Variants in ADD1 observed in about 807,000 individuals in gnomAD.
ADD1 encodes the protein alpha-adducin.
ADD1 carries 24 observed loss-of-function variants against 80.5 expected under a neutral mutation model. The observed-to-expected ratio is 0.30, with a 90% CI of 0.22 to 0.42. The LOEUF (loss-of-function observed/expected upper bound fraction) is 0.42. ADD1 is among the 10% of genes least tolerant of loss of function. ADD1 has a pLI of 1.00. For synonymous variants in ADD1, 373 were observed against 393.8 expected (o/e 0.95, Z 0.63); for missense variants, 948 against 1,019.0 (o/e 0.93, Z 0.95).
intron 1 of ADD1, among the ~76,000 whole-genome samples, chr4:2,866,247 C>T (rs1729530190): frequency 6.6e-6 from 1 of 152,022 alleles, no homozygotes; most frequent in African/African-American, 2.4e-5. Context: ...GCTTACTGCA[C>T]CCTTCGCCTT....
chr4:2,889,152 A>T (rs28668789), intron 4 of ADD1, among the ~76,000 whole-genome samples: 2,037 of 152,286 alleles, frequency 0.013, 44 homozygotes, highest in African/African-American at 0.046. Flanking sequence ...CTTTGGGCAA[A>T]GGAAGATGCA....
At chr4:2,906,745 G>T (rs748674310) in intron 10 of ADD1, among the ~76,000 whole-genome samples, 23 of 152,190 alleles carry the variant, frequency 1.5e-4, no homozygotes, top group Admixed American at 5.2e-4. Flanking sequence ...ATAAAACGCT[G>T]GAGTTGTTTT....
chr4:2,924,231 G>T (rs542441017), intron 14 of ADD1, among the ~76,000 whole-genome samples: 1 of 152,216 alleles, frequency 6.6e-6, no homozygotes, highest in African/African-American at 2.4e-5. Flanking sequence ...CACGGAGCAG[G>T]TGGTTTCAAA....
chr4:2,890,863 T>C (rs1008610154), intron 4 of ADD1, among the ~76,000 whole-genome samples: 31 of 152,324 alleles, frequency 2.0e-4, no homozygotes, highest in Non-Finnish European at 1.5e-5. Flanking sequence ...TGAAACTTAA[T>C]CTTTTCTAAT....
At chr4:2,924,573 T>C (rs1740649989) in intron 14 of ADD1, among the ~76,000 whole-genome samples, 1 of 152,242 alleles carries the variant, frequency 6.6e-6, no homozygotes. Flanking sequence ...TCCTGGGCCG[T>C]CGTCATCCTG....
At chr4:2,880,787 T>C (rs2108923373) in intron 2 of ADD1, among the ~76,000 whole-genome samples, 1 of 152,234 alleles carries the variant, frequency 6.6e-6, no homozygotes, top group Non-Finnish European at 1.5e-5. Context: ...TATTTATTTC[T>C]TTGCAGGGTA....
intron 1 of ADD1, among the ~76,000 whole-genome samples, chr4:2,870,588 G>A (rs1202979259): frequency 6.6e-6 from 1 of 152,230 alleles, no homozygotes; most frequent in Non-Finnish European, 1.5e-5. Flanking sequence ...ATGCAACAGA[G>A]TACTTTACAG....
chr4:2,882,293 A>T (rs1282463607), intron 3 of ADD1, among the ~76,000 whole-genome samples: 1 of 152,238 alleles, frequency 6.6e-6, no homozygotes, highest in Admixed American at 6.5e-5. Flanking sequence ...TCCGAGGCAG[A>T]TGACTTTTTA....
chr4:2,876,256 A>G (rs1731277134), intron 2 of ADD1, 146 bp downstream of exon 2: 2 of 665,876 alleles, frequency 3.0e-6, no homozygotes, highest in Non-Finnish European at 4.8e-6. Flanking sequence ...GGTTGTTGAA[A>G]GAATTCAGTT....
Position 2,904,979 on chromosome 4 carries a change from A to G in ADD1, c.1377A>G (p.Glu459=). Residue 459 remains glutamate (E), a synonymous_variant, in exon 10 of 16, where the codon GAA becomes GAG. Coordinates refer to ENST00000683351, the MANE Select transcript of ADD1 (RefSeq NM_001354761.2). The part of the protein sequence containing the change: ...NSGRGDEASE[E]GQNGSSPKSK... Reference sequence around the variant, plus strand: ...GCCGGGGCGACGAAGCTTCCGAGGAAGGGCAGAATGGAAGCAGTCCCAAGT... The same window carrying G: ...GCCGGGGCGACGAAGCTTCCGAGGAGGGGCAGAATGGAAGCAGTCCCAAGT... The G allele has an allele frequency of 1.9e-6, 3 of 1,614,214 alleles. No homozygotes were observed. The highest frequency in any genetic ancestry group is 2.5e-6 in the Non-Finnish European group (3 of 1,180,026).
At chr4:2,927,888 G>C (rs916444259) in intron 15 of ADD1, among the ~76,000 whole-genome samples, 1 of 152,150 alleles carries the variant, frequency 6.6e-6, no homozygotes, top group Non-Finnish European at 1.5e-5. Context: ...GCTGCAGTCT[G>C]TCTTTCCGGC....
rs1365273721 is a variant in ADD1 at position 2,930,002 on chromosome 4, G to A, written c.*1479G>A. ...TATGGACACCGACTTGGGAGGACAG[G>A]TCCTGAATGTCCTTTCTCCAGTGTA... On this transcript the variant is annotated 3_prime_UTR_variant, in exon 16 of 16. Transcript: ENST00000683351. The A allele has an allele frequency of 1.3e-5, 2 of 152,536 alleles. No homozygotes were observed. Among genetic ancestry groups the A allele is most frequent in the Admixed American group, 6.5e-5 (1 of 15,284 alleles). 9.4% of individuals were successfully genotyped at this position (152,536 alleles called of 1,614,324 possible).
intron 1 of ADD1, among the ~76,000 whole-genome samples, chr4:2,864,887 T>G (rs1729321501): frequency 6.6e-6 from 1 of 152,214 alleles, no homozygotes; most frequent in South Asian, 2.1e-4. Context: ...TGGACCCCAT[T>G]GTGCCTCACT....
At chr4:2,904,707 G>A in intron 9 of ADD1, 57 bp from the exon 10 acceptor site, 6 of 1,511,590 alleles carry the variant, frequency 4.0e-6, no homozygotes, top group Non-Finnish European at 5.5e-6. Flanking sequence ...TTTCCAAAGT[G>A]AAACCCTGTT....
intron 2 of ADD1, among the ~76,000 whole-genome samples, chr4:2,877,584 T>C (rs1206978356): frequency 3.3e-5 from 5 of 151,748 alleles, no homozygotes; most frequent in Non-Finnish European, 7.4e-5. Flanking sequence ...AGTAGGATGA[T>C]TAGATTAAGT....
At chr4:2,923,321 C>T (rs1740389846) in intron 14 of ADD1, among the ~76,000 whole-genome samples, 1 of 152,198 alleles carries the variant, frequency 6.6e-6, no homozygotes, top group Non-Finnish European at 1.5e-5. Flanking sequence ...GTGGGAAAAG[C>T]GTAGTATTTG....
chr4:2,899,115 C>A, intron 8 of ADD1, 144 bp from the exon 9 acceptor site: 1 of 803,140 alleles, frequency 1.2e-6, no homozygotes, highest in Non-Finnish European at 1.9e-6. Flanking sequence ...ACTTTGTGAT[C>A]AGTCTGTCAC....
At chr4:2,886,043 T>A (rs1006243357) in intron 4 of ADD1, among the ~76,000 whole-genome samples, 2 of 152,260 alleles carry the variant, frequency 1.3e-5, no homozygotes, top group African/African-American at 4.8e-5. Context: ...TCTGTTTTTT[T>A]CATGTAATTT....
chr4:2,902,056 A>C (rs1297427127), intron 9 of ADD1: 1 of 152,110 alleles, frequency 6.6e-6, no homozygotes, highest in Non-Finnish European at 1.5e-5. Context: ...CGCCTGACCC[A>C]AATCCATGTT....
Sources: allele counts gnomAD v4.1 joint callset (sites outside exome capture counted in the v4.1 genomes callset), GRCh38; gene constraint gnomAD v4.1.1; transcripts MANE v1.5; gene names NCBI Gene and HGNC (gene_info 2026-07-23, HGNC 2026-07-21).